Variants in MYLK observed in about 807,000 individuals in gnomAD.
MYLK encodes the protein myosin light chain kinase, smooth muscle.
In MYLK, 106 loss-of-function variants were observed where a neutral mutation model predicts 203.4. That is an observed-to-expected ratio of 0.52 (90% CI 0.45 to 0.61). The LOEUF (loss-of-function observed/expected upper bound fraction) is 0.61, where lower values mean the gene tolerates loss of function less well. Among genes scored for constraint, MYLK ranks in the 20% least tolerant of loss-of-function variants. The pLI, the probability that MYLK is intolerant of heterozygous loss-of-function variation, is 0.00. For missense variants in MYLK, 2,072 were observed against 2,442.3 expected, an observed-to-expected ratio of 0.85 and a Z score of 3.20; for synonymous variants, 867 against 959.5, an observed-to-expected ratio of 0.90 and a Z score of 1.78.
At chr3:123,842,354 A>G (rs2066610904) in intron 2 of MYLK, among the ~76,000 whole-genome samples, 1 of 152,130 alleles carries the variant, frequency 6.6e-6, no homozygotes, top group Admixed American at 6.6e-5. Context: ...CAGTTTTAGA[A>G]ATGGGGGTCT....
chr3:123,666,783 G>A (rs1028551533), intron 21 of MYLK: 1 of 527,122 alleles, frequency 1.9e-6, no homozygotes, highest in African/African-American at 1.9e-5. Context: ...ACAGAGCTGG[G>A]CACAAAAATA....
chr3:123,787,456 C>T (rs1254851281), intron 4 of MYLK, among the ~76,000 whole-genome samples: 1 of 152,100 alleles, frequency 6.6e-6, no homozygotes, highest in Non-Finnish European at 1.5e-5. Flanking sequence ...CACCGGGAGT[C>T]TTAGACACTT....
At chr3:123,849,167 G>T (rs1347423886) in intron 2 of MYLK, among the ~76,000 whole-genome samples, 1 of 152,022 alleles carries the variant, frequency 6.6e-6, no homozygotes, top group African/African-American at 2.4e-5. Flanking sequence ...GTGGAGGCAG[G>T]GTGTCGCCAT....
intron 3 of MYLK, among the ~76,000 whole-genome samples, chr3:123,827,490 T>C (rs1373794659): frequency 1.3e-5 from 2 of 151,448 alleles, no homozygotes; most frequent in African/African-American, 2.4e-5. Context: ...CAGGAAAGAA[T>C]AGAATTTAAA....
At chr3:123,672,658 T>C (rs2059952456) in intron 20 of MYLK, among the ~76,000 whole-genome samples, 1 of 152,244 alleles carries the variant, frequency 6.6e-6, no homozygotes. Context: ...AATCTTTCAG[T>C]GTCATGGTTA....
intron 7 of MYLK, 23 bp downstream of exon 7, chr3:123,738,874 G>A (rs1463592247): frequency 6.2e-7 from 1 of 1,600,440 alleles, no homozygotes; most frequent in African/African-American, 1.3e-5. Flanking sequence ...CTGGATCAGG[G>A]TCAGGGCAGA....
intron 6 of MYLK, 114 bp downstream of exon 6, chr3:123,739,839 G>A (rs1370065069): frequency 6.9e-6 from 8 of 1,151,934 alleles, no homozygotes; most frequent in Middle Eastern, 3.9e-4. Context: ...CTAGGCTCCC[G>A]CCCTTTGGTT....
In MYLK at chr3:123,637,139, A is replaced by G. The variant is rs1369595776; in HGVS notation, c.4961+932T>C. On this transcript the variant is annotated intron_variant, in intron 29 of 33. Coordinates refer to ENST00000360304, the MANE Select transcript of MYLK (RefSeq NM_053025.4). ...CTTTTGTTCTGACAGTAAAAACATT[A>G]TTGAATGAAAGCATACACATCTGCA... 2.0e-5 allele frequency among the ~76,000 whole-genome samples: 3 copies of G among 152,202 alleles called. No homozygotes were observed. In the East Asian group the frequency reaches 5.8e-4, roughly 29 times the overall value.
At chr3:123,698,523 T>C (rs2108564938) in intron 18 of MYLK, among the ~76,000 whole-genome samples, 1 of 152,214 alleles carries the variant, frequency 6.6e-6, no homozygotes, top group African/African-American at 2.4e-5. Context: ...CAGGACAGGT[T>C]GTGGCGTCTG....
intron 18 of MYLK, 21 bp from the exon 19 acceptor site, chr3:123,692,872 A>T: frequency 6.2e-7 from 1 of 1,602,126 alleles, no homozygotes; most frequent in Non-Finnish European, 8.6e-7. Flanking sequence ...AGAATTGTGG[A>T]GTGAACCAGG....
At chr3:123,763,557 G>A (rs1407453482) in intron 4 of MYLK, among the ~76,000 whole-genome samples, 3 of 152,202 alleles carry the variant, frequency 2.0e-5, no homozygotes, top group Non-Finnish European at 4.4e-5. Flanking sequence ...GGAATTTTAA[G>A]TGGAAACCTT....
Position 123,884,195 on chromosome 3 carries a change from G to C in MYLK, c.-186+11C>G, listed in dbSNP as rs1385883275. 1.2e-4 allele frequency: 18 copies of C among 151,414 alleles called. No individual in the cohort carries two copies. In the South Asian group the frequency reaches 3.5e-3, roughly 30 times the overall value. 9.4% of individuals were successfully genotyped at this position (151,414 alleles called of 1,614,324 possible). A position where few individuals can be genotyped will look rare whatever the true frequency, so the allele number is the denominator to read the frequency against. On this transcript the variant is annotated intron_variant, in intron 1 of 33. Coordinates refer to ENST00000360304, the MANE Select transcript of MYLK (RefSeq NM_053025.4). ...CGCGCCTGGACAAAAGCATGGGGCG[G>C]GCTCACTCACCCGCGCGGCGAAGGC...
At chr3:123,694,089 C>T (rs1462984716) in intron 18 of MYLK, among the ~76,000 whole-genome samples, 1 of 152,220 alleles carries the variant, frequency 6.6e-6, no homozygotes, top group Non-Finnish European at 1.5e-5. Flanking sequence ...GTAAGGATAT[C>T]AGTTCTGCCC....
At chr3:123,735,529 G>A (rs1231317964) in intron 8 of MYLK, 113 bp from the exon 9 acceptor site, 2 of 1,209,282 alleles carry the variant, frequency 1.7e-6, no homozygotes, top group East Asian at 2.3e-5. Context: ...GCTCCTTCCA[G>A]CTTCCCTGGT....
At chr3:123,840,142 G>T (rs527333058) in intron 2 of MYLK, among the ~76,000 whole-genome samples, 155 of 151,798 alleles carry the variant, frequency 1.0e-3, no homozygotes, top group African/African-American at 3.6e-3. Flanking sequence ...GGATAAACTA[G>T]AAAAAGAACA....
chr3:123,738,478 G>A (rs2062753424), intron 7 of MYLK, among the ~76,000 whole-genome samples: 1 of 152,134 alleles, frequency 6.6e-6, no homozygotes, highest in Non-Finnish European at 1.5e-5. Context: ...GTCTAACCCT[G>A]AATTTTCAGG....
At chr3:123,858,048 T>C (rs374923219) in intron 2 of MYLK, among the ~76,000 whole-genome samples, 24 of 152,304 alleles carry the variant, frequency 1.6e-4, no homozygotes, top group African/African-American at 5.5e-4. Context: ...CCCGCTGGTA[T>C]TGGATTCTGG....
chr3:123,630,171 G>A (rs534380916), intron 29 of MYLK, among the ~76,000 whole-genome samples: 2 of 152,304 alleles, frequency 1.3e-5, no homozygotes, highest in South Asian at 2.1e-4. Context: ...AGCAATGTAG[G>A]TTCGGGGAAC....
intron 13 of MYLK, among the ~76,000 whole-genome samples, chr3:123,711,119 G>A (rs1373002062): frequency 6.6e-6 from 1 of 151,934 alleles, no homozygotes; most frequent in Non-Finnish European, 1.5e-5. Flanking sequence ...GCCAAAGAGA[G>A]AGTGCATGTT....
Sources: gnomAD v4.1 joint callset for allele counts (sites outside exome capture counted in the v4.1 genomes callset) on GRCh38, gnomAD v4.1.1 for gene constraint, MANE v1.5 for transcripts, NCBI Gene and HGNC (gene_info 2026-07-23, HGNC 2026-07-21) for gene names.